UIMC1: variants seen among roughly 807,000 people sequenced by gnomAD.
UIMC1 encodes the protein BRCA1-A complex subunit RAP80.
A neutral mutation model predicts 84.9 loss-of-function variants in UIMC1; 42 were observed. The ratio of observed to expected loss-of-function variants is 0.49; its 90% CI spans 0.39 to 0.64. The LOEUF (loss-of-function observed/expected upper bound fraction) is 0.64, where lower values mean the gene tolerates loss of function less well. UIMC1 is among the 30% of genes least tolerant of loss of function. The pLI is 0.00. For missense variants in UIMC1, 825 were observed against 847.6 expected, an observed-to-expected ratio of 0.97 and a Z score of 0.33; for synonymous variants, 281 against 293.0, an observed-to-expected ratio of 0.96 and a Z score of 0.42.
intron 10 of UIMC1, among the ~76,000 whole-genome samples, chr5:176,916,411 G>C (rs1760984704): frequency 1.3e-5 from 2 of 152,156 alleles, no homozygotes; most frequent in African/African-American, 4.8e-5. Context: ...CTGTGGCTTG[G>C]CACTGTTAAG....
At chr5:176,973,924 G>C (rs1241096322) in intron 3 of UIMC1, among the ~76,000 whole-genome samples, 1 of 152,086 alleles carries the variant, frequency 6.6e-6, no homozygotes, top group Non-Finnish European at 1.5e-5. Flanking sequence ...GCTGGGTATG[G>C]TGATGCATGC....
chr5:176,922,509 C>T (rs1013077974), intron 10 of UIMC1, among the ~76,000 whole-genome samples: 6 of 152,244 alleles, frequency 3.9e-5, no homozygotes, highest in African/African-American at 1.4e-4. Context: ...TATCATCTGT[C>T]TCTCTGCTTT....
Position 176,905,510 on chromosome 5 carries a change from A to C in UIMC1, c.1950-18T>G. On this transcript the variant is annotated intron_variant, in intron 14 of 14. Coordinates refer to ENST00000511320, the MANE Select transcript of UIMC1 (RefSeq NM_001199298.2). ...AAGGCACCCTAGAGAGAAGGAAAAA[A>C]ATTCAGATTCAATATACACCTACTA... is the stretch of plus-strand genomic sequence containing the variant. 1 of 1,611,054 alleles carries C rather than the reference A, an allele frequency of 6.2e-7. No individual in the cohort carries two copies. The highest frequency in any genetic ancestry group is 8.5e-7 in the Non-Finnish European group (1 of 1,179,196).
chr5:177,003,973 CAT>C (rs1774910947), intron 1 of UIMC1, among the ~76,000 whole-genome samples: 1 of 152,138 alleles, frequency 6.6e-6, no homozygotes, highest in Admixed American at 6.6e-5. Context: ...GGACTACAGA[CAT>C]GTGCCAACAA....
intron 1 of UIMC1, among the ~76,000 whole-genome samples, chr5:176,988,922 T>G (rs1373962072): frequency 6.6e-6 from 1 of 152,020 alleles, no homozygotes; most frequent in African/African-American, 2.4e-5. Flanking sequence ...GACCTCATGA[T>G]CCACCCACCT....
At chr5:176,972,735 C>G (rs1769447118) in intron 3 of UIMC1, among the ~76,000 whole-genome samples, 1 of 151,764 alleles carries the variant, frequency 6.6e-6, no homozygotes, top group African/African-American at 2.4e-5. Flanking sequence ...GACTCCATCT[C>G]AAAAAATTAA....
intron 10 of UIMC1, among the ~76,000 whole-genome samples, chr5:176,924,087 G>A (rs1239281467): frequency 6.6e-6 from 1 of 151,984 alleles, no homozygotes; most frequent in African/African-American, 2.4e-5. Flanking sequence ...GGGGGCCGAG[G>A]CAGGTGGATC....
chr5:177,020,025 T>G (rs73804300), intron 1 of UIMC1, among the ~76,000 whole-genome samples: 14,887 of 152,258 alleles, frequency 0.098, 1,519 homozygotes, highest in African/African-American at 0.26. Flanking sequence ...ATAGTGCTGG[T>G]GCTCAATATT....
intron 1 of UIMC1, among the ~76,000 whole-genome samples, chr5:176,992,199 A>G (rs1472875159): frequency 6.6e-6 from 1 of 152,166 alleles, no homozygotes; most frequent in African/African-American, 2.4e-5. Context: ...GCCCTTAAAG[A>G]ATCTATAGAT....
chr5:176,963,157 T>A (rs200726674), intron 6 of UIMC1, among the ~76,000 whole-genome samples: 10 of 13,962 alleles, frequency 7.2e-4, no homozygotes, highest in Non-Finnish European at 8.9e-4. Flanking sequence ...AAAAATAAAT[T>A]AAAAAAAAAA....
chr5:176,911,986 A>C (rs1376655073), intron 10 of UIMC1, among the ~76,000 whole-genome samples: 1 of 152,248 alleles, frequency 6.6e-6, no homozygotes, highest in Non-Finnish European at 1.5e-5. Context: ...ATCTGTTTAT[A>C]AAATAGTCTC....
intron 1 of UIMC1, among the ~76,000 whole-genome samples, chr5:176,992,145 T>G: frequency 6.6e-6 from 1 of 152,048 alleles, no homozygotes; most frequent in Non-Finnish European, 1.5e-5. Flanking sequence ...AGATTAATAC[T>G]TAGAGAACTG....
At chr5:176,997,563 T>C (rs528926176) in intron 1 of UIMC1, among the ~76,000 whole-genome samples, 2 of 151,854 alleles carry the variant, frequency 1.3e-5, no homozygotes, top group Admixed American at 6.6e-5. Context: ...CGGGCCCCTG[T>C]AGTCCCAGCT....
intron 1 of UIMC1, 161 bp downstream of exon 1, chr5:177,006,489 G>C (rs1473759298): frequency 1.3e-5 from 2 of 152,044 alleles, no homozygotes; most frequent in African/African-American, 4.8e-5. Flanking sequence ...CGTCGCGAGA[G>C]ACACACCCCG....
intron 7 of UIMC1, among the ~76,000 whole-genome samples, chr5:176,957,763 T>C (rs760181141): frequency 6.6e-6 from 1 of 152,212 alleles, no homozygotes; most frequent in Non-Finnish European, 1.5e-5. Flanking sequence ...GTCTAGAGCC[T>C]TCAAATTGGC....
chr5:176,982,703 C>A, intron 1 of UIMC1, 80 bp from the exon 2 acceptor site: 1 of 1,459,002 alleles, frequency 6.9e-7, no homozygotes, highest in South Asian at 1.3e-5. Context: ...AGAAGCTATT[C>A]AACTTAGTCT....
chr5:176,959,715 C>CAAA (rs1169116401), intron 6 of UIMC1, among the ~76,000 whole-genome samples: 68 of 53,882 alleles, frequency 1.3e-3, no homozygotes, highest in African/African-American at 4.0e-3. Flanking sequence ...GACTCCGTCT[C>CAAA]AAAAAAAAAA....
rs1194874169 is a variant in UIMC1, at chr5:176,960,829, C to T, written c.1201-2675G>A. Reference sequence around the variant, plus strand: ...ACTGGTTTTGGTGGAGACGGGGTTTCGCTGTGTTGGCCGGGCCGGTCTCCA... The same window carrying T: ...ACTGGTTTTGGTGGAGACGGGGTTTTGCTGTGTTGGCCGGGCCGGTCTCCA... On this transcript the variant is annotated intron_variant, in intron 6 of 14. Coordinates refer to ENST00000511320, the MANE Select transcript of UIMC1 (RefSeq NM_001199298.2). 3.3e-5 allele frequency among the ~76,000 whole-genome samples: 2 copies of T among 61,454 alleles called. 1 individual carries two copies. The highest frequency in any genetic ancestry group is 5.9e-5 in the Non-Finnish European group (2 of 34,008). The allele number at this position is 61,454 out of a possible 152,430, so 40.3% of individuals were successfully genotyped here.
chr5:176,959,573 G>A (rs552801000), intron 6 of UIMC1, among the ~76,000 whole-genome samples: 283 of 151,630 alleles, frequency 1.9e-3, no homozygotes, highest in African/African-American at 5.3e-3. Context: ...AAAATTAGCC[G>A]GGCGTAGTGG....
Sources: gnomAD v4.1 joint callset for allele counts (sites outside exome capture counted in the v4.1 genomes callset) on GRCh38, gnomAD v4.1.1 for gene constraint, MANE v1.5 for transcripts, NCBI Gene and HGNC (gene_info 2026-07-23, HGNC 2026-07-21) for gene names.